The following MEF2C variants were observed in gnomAD, a reference collection of about 807,000 sequenced individuals.
MEF2C encodes the protein myocyte enhancer factor 2C.
Under a neutral mutation model 50.5 loss-of-function variants are expected in MEF2C, and 6 were observed. The ratio of observed to expected loss-of-function variants is 0.12; its 90% CI spans 0.07 to 0.23. The LOEUF (loss-of-function observed/expected upper bound fraction) is 0.23. MEF2C is among the 10% of genes least tolerant of loss of function. The pLI is 1.00. For synonymous variants in MEF2C, 183 were observed against 228.0 expected (o/e 0.80, Z 1.78); for missense variants, 276 against 605.0 (o/e 0.46, Z 5.70).
At chr5:88,796,486 CTTCT>C (rs1796085039) in intron 3 of MEF2C, among the ~76,000 whole-genome samples, 1 of 152,050 alleles carries the variant, frequency 6.6e-6, no homozygotes, top group Non-Finnish European at 1.5e-5. Context: ...GTGGTAATAT[CTTCT>C]TTATCATTTT....
chr5:88,739,578 C>G, intron 6 of MEF2C: 1 of 984,878 alleles, frequency 1.0e-6, no homozygotes, highest in South Asian at 4.7e-5. Flanking sequence ...ATACAATCCC[C>G]TACTCTACTG....
intron 3 of MEF2C, among the ~76,000 whole-genome samples, chr5:88,778,967 G>T (rs1786305530): frequency 6.6e-6 from 1 of 152,230 alleles, no homozygotes; most frequent in Non-Finnish European, 1.5e-5. Flanking sequence ...TTCCGCAGTA[G>T]CGGAGCTCCC....
intron 6 of MEF2C, chr5:88,739,775 C>G: frequency 1.0e-6 from 1 of 984,980 alleles, no homozygotes; most frequent in Non-Finnish European, 1.2e-6. Flanking sequence ...TTGAATAGCT[C>G]TAAGAGAAAA....
intron 2 of MEF2C, among the ~76,000 whole-genome samples, chr5:88,813,864 GGTTT>G (rs1804030090): frequency 6.6e-6 from 1 of 151,974 alleles, no homozygotes; most frequent in South Asian, 2.1e-4. Flanking sequence ...AAAGGTTTGA[GGTTT>G]GATCATTTTT....
intron 6 of MEF2C, chr5:88,734,587 T>TG (rs1763277336): frequency 2.1e-6 from 2 of 970,172 alleles, no homozygotes; most frequent in African/African-American, 3.7e-5. Context: ...TTTTTTTTTT[T>TG]TTTTTTTTTT....
chr5:88,800,889 AT>A (rs1252294343), intron 3 of MEF2C, among the ~76,000 whole-genome samples: 1 of 152,194 alleles, frequency 6.6e-6, no homozygotes, highest in African/African-American at 2.4e-5. Flanking sequence ...ATCTAAACAG[AT>A]ATTCAAGCTG....
At chr5:88,777,700 AT>A (rs1785478695) in intron 3 of MEF2C, among the ~76,000 whole-genome samples, 1 of 152,186 alleles carries the variant, frequency 6.6e-6, no homozygotes, top group Admixed American at 6.5e-5. Context: ...CTGATAAAAA[AT>A]ATTATCTAAA....
intron 1 of MEF2C, among the ~76,000 whole-genome samples, chr5:88,837,002 C>CA (rs10692741): frequency 0.22 from 18,850 of 86,778 alleles, 2,249 homozygotes; most frequent in Admixed American, 0.33. Flanking sequence ...AGCTGTTTCT[C>CA]AAAAAAAAAA....
chr5:88,738,489 G>A (rs1424476243), intron 6 of MEF2C: 2 of 856,138 alleles, frequency 2.3e-6, no homozygotes, highest in African/African-American at 1.8e-5. Flanking sequence ...TGAGAAAACC[G>A]AAGAAAAGAG....
chr5:88,870,572 A>G (rs1268019472), intron 1 of MEF2C, among the ~76,000 whole-genome samples: 2 of 152,122 alleles, frequency 1.3e-5, no homozygotes, highest in Non-Finnish European at 2.9e-5. Context: ...GAAAGTGTTC[A>G]ACTTTAATTG....
chr5:88,749,548 C>T (rs1012581831), intron 5 of MEF2C: 7 of 959,644 alleles, frequency 7.3e-6, no homozygotes, highest in Admixed American at 6.2e-5. Context: ...GAAATTTGAT[C>T]GTTTCATGAA....
chr5:88,722,900 G>C lies in MEF2C; in HGVS notation c.1126C>G (p.Gln376Glu). 6.2e-7 allele frequency: 1 copy of C among 1,609,842 alleles called. No homozygotes were observed. Among genetic ancestry groups the C allele is most frequent in the Non-Finnish European group, 8.5e-7 (1 of 1,177,090 alleles). The change falls in exon 11 of 11, where the codon CAG becomes GAG. Residue 376 changes from glutamine (Q) to glutamate (E), a missense_variant. Gln to Glu is a conservative substitution (Grantham distance 29). Transcript: ENST00000504921. ...GAAGGCAGGGAGAGATTTGAACTCT[G>C]AGATAAATGAGTGCTAGTGCAAGCT... ...LGACTSTHLS[Q>E]SSNLSLPSTQ...
intron 2 of MEF2C, among the ~76,000 whole-genome samples, chr5:88,812,787 C>A (rs1023123256): frequency 6.6e-6 from 1 of 152,096 alleles, no homozygotes; most frequent in African/African-American, 2.4e-5. Flanking sequence ...AGAAAACCAA[C>A]CCTCTTCACA....
chr5:88,872,716 A>G (rs1235545248), intron 1 of MEF2C, among the ~76,000 whole-genome samples: 1 of 151,986 alleles, frequency 6.6e-6, no homozygotes, highest in Non-Finnish European at 1.5e-5. Context: ...AAACTTTAAG[A>G]GGTGGGTGAT....
intron 1 of MEF2C, among the ~76,000 whole-genome samples, chr5:88,842,246 C>T (rs1817641196): frequency 6.6e-6 from 1 of 152,008 alleles, no homozygotes; most frequent in African/African-American, 2.4e-5. Flanking sequence ...TCTTTAATTC[C>T]TACCTGTATT....
chr5:88,790,610 T>C (rs1253652677), intron 3 of MEF2C, among the ~76,000 whole-genome samples: 1 of 152,232 alleles, frequency 6.6e-6, no homozygotes, highest in East Asian at 1.9e-4. Context: ...TGGTTTCCTG[T>C]GCCTTGTAAT....
intron 6 of MEF2C, chr5:88,740,070 C>T (rs676096): frequency 0.56 from 555,529 of 984,852 alleles, 159,605 homozygotes; most frequent in East Asian, 0.59. Context: ...AAGCCAAGAA[C>T]TATTCTTGGC....
rs1382661063 is a variant in MEF2C at position 88,747,636 on chromosome 5, A to ATGTTTT, written c.637+1433_637+1434insAAAACA. Among the ~76,000 whole-genome samples, 11 of 24,982 alleles carry ATGTTTT rather than the reference A, an allele frequency of 4.4e-4. 3 individuals are homozygous for ATGTTTT. The highest frequency in any genetic ancestry group is 1.4e-3 in the East Asian group (1 of 730). 16.4% of individuals were successfully genotyped at this position (24,982 alleles called of 152,430 possible). ...AGTGCTGGGATTACAGGCGTGAGCC[A>ATGTTTT]CCGCGCCCGGCCCTTTTTTACTACT... On this transcript the variant is annotated intron_variant, in intron 6 of 10. Transcript: ENST00000504921.
chr5:88,860,236 T>G (rs1581674577), intron 1 of MEF2C, among the ~76,000 whole-genome samples: 1 of 152,222 alleles, frequency 6.6e-6, no homozygotes, highest in Non-Finnish European at 1.5e-5. Context: ...CCTTCTAATT[T>G]TCTTCCACTT....
Sources: allele counts gnomAD v4.1 joint callset (sites outside exome capture counted in the v4.1 genomes callset), GRCh38; gene constraint gnomAD v4.1.1; transcripts MANE v1.5; gene names NCBI Gene and HGNC (gene_info 2026-07-23, HGNC 2026-07-21).